Variants in VTI1A observed in about 807,000 individuals in gnomAD.
VTI1A encodes vesicle transport through interaction with t-SNAREs 1A, also known as vesicle transport through interaction with t-SNAREs homolog 1A.
A neutral mutation model predicts 34.9 loss-of-function variants in VTI1A; 22 were observed. The observed-to-expected ratio is 0.63, with a 90% CI of 0.45 to 0.90. The LOEUF (loss-of-function observed/expected upper bound fraction) is 0.90. VTI1A is among the 40% of genes least tolerant of loss of function. VTI1A has a pLI of 0.00. For missense variants in VTI1A, 268 were observed against 275.6 expected (o/e 0.97, Z 0.20); for synonymous variants, 87 against 97.3 (o/e 0.89, Z 0.62).
intron 5 of VTI1A, among the ~76,000 whole-genome samples, chr10:112,644,969 G>C (rs911113855): frequency 7.2e-5 from 11 of 152,206 alleles, no homozygotes; most frequent in Non-Finnish European, 1.2e-4. Flanking sequence ...GTGTTTGTAA[G>C]TTGAAAGCAC....
chr10:112,791,417 C>CT (rs567407770), intron 7 of VTI1A, among the ~76,000 whole-genome samples: 4 of 152,080 alleles, frequency 2.6e-5, no homozygotes, highest in Non-Finnish European at 4.4e-5. Context: ...TCTATATATT[C>CT]TTTTTTTAAA....
chr10:112,623,953 A>G (rs1845825456), intron 5 of VTI1A, among the ~76,000 whole-genome samples: 1 of 152,232 alleles, frequency 6.6e-6, no homozygotes, highest in South Asian at 2.1e-4. Context: ...AACCTATTGT[A>G]GCAGCAGATC....
intron 3 of VTI1A, among the ~76,000 whole-genome samples, chr10:112,470,156 C>A (rs546737976): frequency 8.5e-5 from 13 of 152,270 alleles, no homozygotes; most frequent in Middle Eastern, 3.4e-3. Flanking sequence ...ATTACCCCAC[C>A]ATGGCAGGAA....
chr10:112,460,269 C>A (rs1420566576), intron 1 of VTI1A, among the ~76,000 whole-genome samples: 1 of 152,094 alleles, frequency 6.6e-6, no homozygotes, highest in East Asian at 1.9e-4. Flanking sequence ...AATTTTTAGT[C>A]TCTCTTAAAA....
At chr10:112,786,889 T>C (rs915107250) in intron 7 of VTI1A, among the ~76,000 whole-genome samples, 1 of 152,220 alleles carries the variant, frequency 6.6e-6, no homozygotes, top group Admixed American at 6.5e-5. Flanking sequence ...AATATTTTTG[T>C]TTAACTTTTT....
In VTI1A at chr10:112,524,278, T is replaced by C. The variant is rs1850138226; in HGVS notation, c.265-2809T>C. On this transcript the variant is annotated intron_variant, in intron 3 of 7. Coordinates refer to ENST00000393077, the MANE Select transcript of VTI1A (RefSeq NM_145206.4). ...ATATAATTAGTTTTTTTTAATAGTCTTGATTTGTTTTGTTTGGAAAATGAA... is the reference window on the plus strand; with the variant it reads ...ATATAATTAGTTTTTTTTAATAGTCCTGATTTGTTTTGTTTGGAAAATGAA... Among the ~76,000 whole-genome samples, 3 of 152,124 alleles carry C rather than the reference T, an allele frequency of 2.0e-5. No individual in the cohort carries two copies. The South Asian group carries it at 6.2e-4, about 32-fold the overall frequency.
At chr10:112,587,633 A>G (rs1401240943) in intron 5 of VTI1A, among the ~76,000 whole-genome samples, 3 of 152,214 alleles carry the variant, frequency 2.0e-5, no homozygotes, top group Non-Finnish European at 4.4e-5. Context: ...CACTTCTTGG[A>G]CAACTAAATG....
chr10:112,470,732 A>T (rs1848045638), intron 3 of VTI1A, among the ~76,000 whole-genome samples: 1 of 151,964 alleles, frequency 6.6e-6, no homozygotes. Context: ...TCTCTACTAA[A>T]ATTGCAAAAA....
chr10:112,702,646 G>A (rs1849050382), intron 7 of VTI1A, among the ~76,000 whole-genome samples: 1 of 152,212 alleles, frequency 6.6e-6, no homozygotes, highest in Admixed American at 6.5e-5. Context: ...GAGTGCAGTG[G>A]TGTGATCTCG....
chr10:112,525,826 T>G (rs182916863), intron 3 of VTI1A, among the ~76,000 whole-genome samples: 1 of 152,352 alleles, frequency 6.6e-6, no homozygotes, highest in East Asian at 1.9e-4. Flanking sequence ...TGTAATACGT[T>G]TGATGTTTAA....
At chr10:112,765,403 T>G (rs963870354) in intron 7 of VTI1A, among the ~76,000 whole-genome samples, 4 of 152,170 alleles carry the variant, frequency 2.6e-5, no homozygotes, top group Non-Finnish European at 5.9e-5. Flanking sequence ...AGAGGCAGGA[T>G]TTCACCATTT....
chr10:112,785,879 A>G (rs1852272495), intron 7 of VTI1A, among the ~76,000 whole-genome samples: 1 of 152,176 alleles, frequency 6.6e-6, no homozygotes, highest in Non-Finnish European at 1.5e-5. Context: ...CTTCATAGTA[A>G]GTTTGAAGTC....
intron 7 of VTI1A, among the ~76,000 whole-genome samples, chr10:112,751,065 G>C (rs985029330): frequency 6.6e-6 from 1 of 152,120 alleles, no homozygotes; most frequent in African/African-American, 2.4e-5. Flanking sequence ...ATTGCCTCCT[G>C]GATTTGGGTT....
chr10:112,557,205 A>G (rs960297658), intron 5 of VTI1A, among the ~76,000 whole-genome samples: 3 of 152,070 alleles, frequency 2.0e-5, no homozygotes, highest in African/African-American at 7.2e-5. Context: ...TTGATAATTA[A>G]AATTTGTCAA....
chr10:112,847,923 A>G, the VTI1A span, among the ~76,000 whole-genome samples: 2 of 152,286 alleles, frequency 1.3e-5, no homozygotes, highest in African/African-American at 4.8e-5. Context: ...CATATAAGTA[A>G]AGAAGAAACC....
intron 5 of VTI1A, among the ~76,000 whole-genome samples, chr10:112,622,059 T>C (rs1845756633): frequency 6.6e-6 from 1 of 152,202 alleles, no homozygotes; most frequent in African/African-American, 2.4e-5. Flanking sequence ...GTTCTAATCA[T>C]GCTGCAGGGT....
At chr10:112,691,615 G>T (rs1355280264) in intron 7 of VTI1A, among the ~76,000 whole-genome samples, 2 of 152,148 alleles carry the variant, frequency 1.3e-5, no homozygotes, top group Non-Finnish European at 2.9e-5. Flanking sequence ...ATCTCAGCCT[G>T]GATTCAGGCA....
chr10:112,524,232 A>G (rs1266447862), intron 3 of VTI1A, among the ~76,000 whole-genome samples: 2 of 152,136 alleles, frequency 1.3e-5, no homozygotes, highest in Non-Finnish European at 2.9e-5. Context: ...TTATGAGAAA[A>G]TACCAATGTT....
At chr10:112,549,156 T>C (rs1851249977) in intron 5 of VTI1A, among the ~76,000 whole-genome samples, 1 of 152,218 alleles carries the variant, frequency 6.6e-6, no homozygotes. Context: ...CAAAAAGTAT[T>C]CACTACGTGT....
Sources: gnomAD v4.1 joint callset for allele counts (sites outside exome capture counted in the v4.1 genomes callset) on GRCh38, gnomAD v4.1.1 for gene constraint, MANE v1.5 for transcripts, NCBI Gene and HGNC (gene_info 2026-07-23, HGNC 2026-07-21) for gene names.